Variants in GPHN observed in about 807,000 individuals in gnomAD.
GPHN encodes gephyrin.
GPHN carries 17 observed loss-of-function variants against 95.5 expected under a neutral mutation model. That is an observed-to-expected ratio of 0.18 (90% CI 0.12 to 0.27). The LOEUF (loss-of-function observed/expected upper bound fraction) is 0.27, where lower values mean the gene tolerates loss of function less well. Among genes scored for constraint, GPHN ranks in the 10% least tolerant of loss-of-function variants. GPHN has a pLI of 1.00. For synonymous variants in GPHN, 320 were observed against 322.5 expected, an observed-to-expected ratio of 0.99 and a Z score of 0.08; for missense variants, 660 against 978.1, an observed-to-expected ratio of 0.67 and a Z score of 4.34.
the GPHN span, chr14:67,642,422 C>G: frequency 6.4e-7 from 1 of 1,560,686 alleles, no homozygotes; most frequent in Non-Finnish European, 8.7e-7. Flanking sequence ...GGGCTCATAA[C>G]TTAGCTTCTT....
intron 5 of GPHN, among the ~76,000 whole-genome samples, chr14:66,908,959 A>G (rs1052440789): frequency 6.6e-6 from 1 of 152,094 alleles, no homozygotes; most frequent in Non-Finnish European, 1.5e-5. Flanking sequence ...TGACAGCTAA[A>G]TGTAATTTGG....
At chr14:67,680,531 G>A in the GPHN span, among the ~76,000 whole-genome samples, 1 of 152,102 alleles carries the variant, frequency 6.6e-6, no homozygotes, top group Non-Finnish European at 1.5e-5. Context: ...TGGTGTGATC[G>A]CAGCTCACTA....
At chr14:66,691,467 G>A (rs2067776271) in intron 2 of GPHN, among the ~76,000 whole-genome samples, 2 of 151,890 alleles carry the variant, frequency 1.3e-5, no homozygotes, top group African/African-American at 2.4e-5. Flanking sequence ...ACAGGTGTGA[G>A]CCACTGCACC....
At chr14:66,811,964 A>C (rs1188374942) in intron 3 of GPHN, among the ~76,000 whole-genome samples, 1 of 152,240 alleles carries the variant, frequency 6.6e-6, no homozygotes, top group African/African-American at 2.4e-5. Context: ...ATTTGGAAGA[A>C]GGCACTGGTT....
the GPHN span, chr14:67,200,169 A>T: frequency 8.6e-7 from 1 of 1,161,094 alleles, no homozygotes; most frequent in East Asian, 2.5e-5. Flanking sequence ...CTATGCCTCC[A>T]CATGGTATGC....
At chr14:66,933,289 A>G (rs2066924615) in intron 8 of GPHN, among the ~76,000 whole-genome samples, 1 of 152,236 alleles carries the variant, frequency 6.6e-6, no homozygotes, top group South Asian at 2.1e-4. Flanking sequence ...TTAACTTTGA[A>G]TGCTTCTCTA....
chr14:66,828,837 A>T (rs889727890), intron 4 of GPHN, among the ~76,000 whole-genome samples: 1 of 152,020 alleles, frequency 6.6e-6, no homozygotes, highest in Non-Finnish European at 1.5e-5. Context: ...CTTCTTTATT[A>T]TATATTTTAT....
rs112200978 is a variant in GPHN, at chr14:66,665,218, G to A, written c.65-15889G>A. On this transcript the variant is annotated intron_variant, in intron 1 of 22. Coordinates refer to ENST00000478722, the MANE Select transcript of GPHN (RefSeq NM_020806.5). ...CAGGCCAATATCCTTGATGAATACT[G>A]ATGCAAAAATCCTCTGCAAAATTCT... Among the ~76,000 whole-genome samples, 553 of 152,214 alleles carry A rather than the reference G, an allele frequency of 3.6e-3. 12 individuals carry two copies. Among genetic ancestry groups the A allele is most frequent in the African/African-American group, 0.013 (527 of 41,534 alleles).
intron 19 of GPHN, among the ~76,000 whole-genome samples, chr14:67,163,952 T>C (rs2082113318): frequency 6.6e-6 from 1 of 152,034 alleles, no homozygotes; most frequent in Admixed American, 6.6e-5. Flanking sequence ...TGAGGAAGTG[T>C]AATTTGAGAA....
the GPHN span, among the ~76,000 whole-genome samples, chr14:67,318,921 G>C: frequency 6.6e-6 from 1 of 152,148 alleles, no homozygotes; most frequent in Non-Finnish European, 1.5e-5. Flanking sequence ...AGCCAGGCGT[G>C]ATGGCGGGTG....
chr14:67,468,099 G>A, the GPHN span, among the ~76,000 whole-genome samples: 2 of 151,988 alleles, frequency 1.3e-5, no homozygotes, highest in Non-Finnish European at 2.9e-5. Flanking sequence ...TCAGCCTCCC[G>A]AGTAGCTGGG....
At chr14:66,826,282 A>T (rs2061382294) in intron 4 of GPHN, among the ~76,000 whole-genome samples, 1 of 152,210 alleles carries the variant, frequency 6.6e-6, no homozygotes, top group South Asian at 2.1e-4. Context: ...TGGCTCTGCT[A>T]CTTATCAACA....
intron 1 of GPHN, among the ~76,000 whole-genome samples, chr14:66,567,471 A>G (rs907980709): frequency 6.6e-6 from 1 of 152,066 alleles, no homozygotes; most frequent in African/African-American, 2.4e-5. Flanking sequence ...TTCCCTAGGG[A>G]TTTGTTTGGA....
the GPHN span, among the ~76,000 whole-genome samples, chr14:67,693,670 C>T: frequency 1.4e-5 from 2 of 146,446 alleles, no homozygotes; most frequent in Non-Finnish European, 3.0e-5. Context: ...TTTTTTGAGA[C>T]AGAGTTTTGC....
the GPHN span, chr14:67,692,653 T>G: frequency 6.6e-7 from 1 of 1,503,850 alleles, no homozygotes; most frequent in South Asian, 1.4e-5. Context: ...GCATTATAAA[T>G]CTAATGTTAT....
the GPHN span, chr14:67,334,284 G>C: frequency 6.6e-6 from 1 of 152,596 alleles, no homozygotes; most frequent in Non-Finnish European, 1.5e-5. Context: ...TATAGCTGTA[G>C]CTTTAAAATT....
At chr14:67,387,494 A>C in the GPHN span, 14 of 1,594,710 alleles carry the variant, frequency 8.8e-6, no homozygotes, top group Non-Finnish European at 1.2e-5. Flanking sequence ...CAGTGATTGA[A>C]TAGCCATGTC....
chr14:67,332,796 A>C, the GPHN span: 1 of 1,611,222 alleles, frequency 6.2e-7, no homozygotes. Context: ...GAGTTGAGAG[A>C]AATCATTGAG....
At chr14:67,109,579 AT>A (rs2078251096) in intron 13 of GPHN, among the ~76,000 whole-genome samples, 1 of 152,188 alleles carries the variant, frequency 6.6e-6, no homozygotes, top group South Asian at 2.1e-4. Flanking sequence ...ATTTAATTAT[AT>A]TTGCTCAACC....
Sources: gnomAD v4.1 joint callset for allele counts (sites outside exome capture counted in the v4.1 genomes callset) on GRCh38, gnomAD v4.1.1 for gene constraint, MANE v1.5 for transcripts, NCBI Gene and HGNC (gene_info 2026-07-23, HGNC 2026-07-21) for gene names.